Variants in WDR33 observed in about 807,000 individuals in gnomAD.
The protein encoded by WDR33 is WD repeat domain 33.
In WDR33, 47 loss-of-function variants were observed where a neutral mutation model predicts 164.9. The ratio of observed to expected loss-of-function variants is 0.29; its 90% CI spans 0.23 to 0.36. WDR33 has a LOEUF of 0.36. Among genes scored for constraint, WDR33 ranks in the 10% least tolerant of loss-of-function variants. WDR33 has a pLI of 1.00. For synonymous variants in WDR33, 505 were observed against 589.0 expected, an observed-to-expected ratio of 0.86 and a Z score of 2.06; for missense variants, 1,137 against 1,754.1, an observed-to-expected ratio of 0.65 and a Z score of 6.28.
chr2:127,781,124 G>C (rs188837893), intron 1 of WDR33, among the ~76,000 whole-genome samples: 2 of 152,066 alleles, frequency 1.3e-5, no homozygotes, highest in Non-Finnish European at 2.9e-5. Context: ...GCAGCCTCCC[G>C]AAGTGCTGGG....
rs190267718 is a variant in WDR33 at position 127,734,651 on chromosome 2, C to T, written c.725-7874G>A. On this transcript the variant is annotated intron_variant, in intron 7 of 21. Coordinates refer to ENST00000322313, the MANE Select transcript of WDR33 (RefSeq NM_018383.5). ...TGAGCTCCTGTTATTGGTGCTCAAC[C>T]TCTCAAATATGTGGTCACCAAACAA... 1.0e-3 allele frequency among the ~76,000 whole-genome samples: 155 copies of T among 152,244 alleles called. 1 individual carries two copies. The highest frequency in any genetic ancestry group is 3.6e-3 in the African/African-American group (148 of 41,544).
chr2:127,762,752 A>G (rs1687715443), intron 7 of WDR33: 4 of 1,110,074 alleles, frequency 3.6e-6, no homozygotes, highest in Non-Finnish European at 4.4e-6. Context: ...TATGTTGGGA[A>G]CAAGTACCCT....
In WDR33 at chr2:127,701,368, C is replaced by T; in HGVS notation, c.*4955G>A. 1 of 628,458 alleles carries T rather than the reference C, an allele frequency of 1.6e-6. No homozygotes were observed. Among genetic ancestry groups the T allele is most frequent in the Non-Finnish European group, 2.3e-6 (1 of 441,840 alleles). 38.9% of individuals were successfully genotyped at this position (628,458 alleles called of 1,614,324 possible). On this transcript the variant is annotated 3_prime_UTR_variant, in exon 22 of 22. Transcript: ENST00000322313. Reference sequence around the variant, plus strand: ...CCTGCGACCACGGTACTTGGGGACACCACAAAAGTCCGCAGAGCAGGCACC... The same window carrying T: ...CCTGCGACCACGGTACTTGGGGACATCACAAAAGTCCGCAGAGCAGGCACC...
At chr2:127,748,515 G>A (rs1687228316) in intron 7 of WDR33, among the ~76,000 whole-genome samples, 1 of 152,154 alleles carries the variant, frequency 6.6e-6, no homozygotes, top group South Asian at 2.1e-4. Flanking sequence ...ATGGTAAAAT[G>A]TTTTAAATGG....
Position 127,735,813 on chromosome 2 carries a change from T to C in WDR33, c.725-9036A>G, listed in dbSNP as rs2105396002. The stretch of plus-strand genomic sequence containing the variant: ...TATGCAATTTATTAGTATTTTACCT[T>C]CCTTTAATGCAAAATGATTTCACCA... On this transcript the variant is annotated intron_variant, in intron 7 of 21. Transcript: ENST00000322313. The surrounding 1 kb of genome is among the most constrained non-coding windows in gnomAD (Gnocchi z 4.3). 1.0e-6 allele frequency: 1 copy of C among 985,452 alleles called. No homozygotes were observed. The highest frequency in any genetic ancestry group is 1.1e-4 in the East Asian group (1 of 8,818). The allele number at this position is 985,452 out of a possible 1,614,324, so 61.0% of individuals were successfully genotyped here.
In WDR33 at chr2:127,706,172, TGAA is replaced by T; in HGVS notation, c.*148_*150del. The T allele has an allele frequency of 1.6e-6, 1 of 629,480 alleles. No individual in the cohort carries two copies. Among genetic ancestry groups the T allele is most frequent in the Non-Finnish European group, 2.5e-6 (1 of 407,104 alleles). 39.0% of individuals were successfully genotyped at this position (629,480 alleles called of 1,614,324 possible). On this transcript the variant is annotated 3_prime_UTR_variant, in exon 22 of 22. Coordinates refer to ENST00000322313, the MANE Select transcript of WDR33 (RefSeq NM_018383.5). The surrounding 1 kb of genome is among the most constrained non-coding windows in gnomAD (Gnocchi z 5.1). Reference sequence around the variant, plus strand: ...GTAGCTGGCAGCAGTCTCTTCATCTTGAAGACCTCATTGAGGGTTCCTGGGATT... The same window carrying T: ...GTAGCTGGCAGCAGTCTCTTCATCTTGACCTCATTGAGGGTTCCTGGGATT...
intron 1 of WDR33, among the ~76,000 whole-genome samples, chr2:127,785,106 T>G (rs1688514991): frequency 6.6e-6 from 1 of 152,208 alleles, no homozygotes; most frequent in Admixed American, 6.5e-5. Context: ...ATATTTGTCG[T>G]GTACCCAGGT....
chr2:127,731,032 G>A (rs1354906578), intron 7 of WDR33, among the ~76,000 whole-genome samples: 1 of 152,006 alleles, frequency 6.6e-6, no homozygotes, highest in Non-Finnish European at 1.5e-5. Flanking sequence ...GGTGGCGCAT[G>A]CCTGTAATCC....
intron 7 of WDR33, among the ~76,000 whole-genome samples, chr2:127,748,733 G>A (rs1021502306): frequency 5.9e-5 from 9 of 151,930 alleles, no homozygotes; most frequent in Non-Finnish European, 1.3e-4. Context: ...GAAGCTATAA[G>A]GAAAACATGA....
At chr2:127,734,019 C>A (rs1686777156) in intron 7 of WDR33, among the ~76,000 whole-genome samples, 2 of 152,164 alleles carry the variant, frequency 1.3e-5, no homozygotes, top group African/African-American at 2.4e-5. Flanking sequence ...AGTGGATAGT[C>A]CCTTCTGTTC....
intron 21 of WDR33, among the ~76,000 whole-genome samples, chr2:127,707,229 T>TAAAAAAAAAAAAA (rs200273049): frequency 8.2e-6 from 1 of 122,580 alleles, no homozygotes; most frequent in Non-Finnish European, 1.7e-5. Context: ...AGAATATATT[T>TAAAAAAAAAAAAA]AAAAAAAAAA....
intron 1 of WDR33, among the ~76,000 whole-genome samples, chr2:127,806,185 C>A (rs1302178926): frequency 5.3e-5 from 8 of 149,806 alleles, no homozygotes; most frequent in African/African-American, 2.0e-4. Flanking sequence ...AGTGGCTCAT[C>A]ATCTCTTTAG....
Position 127,705,065 on chromosome 2 carries a change from C to G in WDR33, c.*1258G>C, listed in dbSNP as rs1444826032. On this transcript the variant is annotated 3_prime_UTR_variant, in exon 22 of 22. Coordinates refer to ENST00000322313, the MANE Select transcript of WDR33 (RefSeq NM_018383.5). This position sits in a 1 kb window ranked among gnomAD's most constrained non-coding sequence, Gnocchi z 4.5. ...CTCCTGGCTGGGTGACAGAGCAAGA[C>G]TCTGTCAAAAAAGGAAAAGAAAAAA... is the stretch of plus-strand genomic sequence containing the variant. 1 of 166,012 alleles carries G rather than the reference C, an allele frequency of 6.0e-6. No homozygotes were observed. Among genetic ancestry groups the G allele is most frequent in the Admixed American group, 6.5e-5 (1 of 15,270 alleles). The allele number at this position is 166,012 out of a possible 1,614,324, so 10.3% of individuals were successfully genotyped here. A position where few individuals can be genotyped will look rare whatever the true frequency, so the allele number is the denominator to read the frequency against.
At chr2:127,775,910 T>C (rs2105451958) in intron 1 of WDR33, among the ~76,000 whole-genome samples, 1 of 152,136 alleles carries the variant, frequency 6.6e-6, no homozygotes, top group South Asian at 2.1e-4. Context: ...ACATCCAGCC[T>C]AAAATAAAAT....
Position 127,725,037 on chromosome 2 carries a change from G to T in WDR33, c.1006+24C>A, listed in dbSNP as rs898781065. The T allele has an allele frequency of 3.7e-6, 6 of 1,613,952 alleles. No homozygotes were observed. The African/African-American group carries it at 8.0e-5, about 22-fold the overall frequency. ...AATGTTACAGGTAACAGTGGTCAATGAGAAGCATATCACAGCCACTGACCT... is the reference window on the plus strand; with the variant it reads ...AATGTTACAGGTAACAGTGGTCAATTAGAAGCATATCACAGCCACTGACCT... On this transcript the variant is annotated intron_variant, in intron 9 of 21. Transcript: ENST00000322313.
intron 1 of WDR33, among the ~76,000 whole-genome samples, chr2:127,810,365 T>A (rs1475580570): frequency 6.6e-6 from 1 of 152,210 alleles, no homozygotes; most frequent in Non-Finnish European, 1.5e-5. Flanking sequence ...AAGGGGCCAC[T>A]AATCCCAAGG....
chr2:127,796,664 T>C (rs1402521079), intron 1 of WDR33, among the ~76,000 whole-genome samples: 3 of 152,076 alleles, frequency 2.0e-5, no homozygotes, highest in African/African-American at 7.3e-5. Flanking sequence ...ACATGCTTTT[T>C]TATTCCATTT....
rs1434933671 is a variant in WDR33, at chr2:127,701,947, A to G, written c.*4376T>C. 5.0e-6 allele frequency: 7 copies of G among 1,413,502 alleles called. No individual in the cohort carries two copies. Among genetic ancestry groups the G allele is most frequent in the Non-Finnish European group, 6.4e-6 (7 of 1,090,690 alleles). The allele number at this position is 1,413,502 out of a possible 1,614,324, so 87.6% of individuals were successfully genotyped here. ...TGCGGACGCCTGCTGCGCTGCGAAGAAGCGCCGTCCCGGCCCGCGCTGCTC... is the reference window on the plus strand; with the variant it reads ...TGCGGACGCCTGCTGCGCTGCGAAGGAGCGCCGTCCCGGCCCGCGCTGCTC... On this transcript the variant is annotated 3_prime_UTR_variant, in exon 22 of 22. Coordinates refer to ENST00000322313, the MANE Select transcript of WDR33 (RefSeq NM_018383.5).
rs1686464909 is a variant in WDR33, at chr2:127,722,512, G to A, written c.1518+79C>T. The A allele has an allele frequency of 1.3e-6, 2 of 1,551,424 alleles. No homozygotes were observed. Among genetic ancestry groups the A allele is most frequent in the Non-Finnish European group, 8.7e-7 (1 of 1,149,872 alleles). On this transcript the variant is annotated intron_variant, in intron 14 of 21. Transcript: ENST00000322313. The surrounding 1 kb of genome is among the most constrained non-coding windows in gnomAD (Gnocchi z 5.1). ...CTCCAGTACAGAAACACCTTCAACA[G>A]TGAGATAATCCAAGAGAAACCTCAA...
Sources: gnomAD v4.1 joint callset for allele counts (sites outside exome capture counted in the v4.1 genomes callset) on GRCh38, gnomAD v4.1.1 for gene constraint, Gnocchi (gnomAD v3.1) non-coding constraint, MANE v1.5 for transcripts, NCBI Gene and HGNC (gene_info 2026-07-23, HGNC 2026-07-21) for gene names.